The following ADAMTSL1 variants were observed in gnomAD, a reference collection of about 807,000 sequenced individuals.
ADAMTSL1 encodes ADAMTS like 1, also known as ADAMTS-like protein 1.
In ADAMTSL1, 126 loss-of-function variants were observed where a neutral mutation model predicts 201.8. That is an observed-to-expected ratio of 0.62 (90% CI 0.54 to 0.72). The LOEUF (loss-of-function observed/expected upper bound fraction) is 0.72, where lower values mean the gene tolerates loss of function less well. ADAMTSL1 is among the 30% of genes least tolerant of loss of function. The probability of loss-of-function intolerance (pLI) is 0.00; values close to 1 mark genes in which losing one functional copy is unlikely to be tolerated. For synonymous variants in ADAMTSL1, 1,121 were observed against 903.4 expected (o/e 1.24, Z -4.32); for missense variants, 2,679 against 2,277.8 (o/e 1.18, Z -3.59).
At chr9:18,543,735 T>G (rs1295665916) in intron 3 of ADAMTSL1, among the ~76,000 whole-genome samples, 2 of 152,192 alleles carry the variant, frequency 1.3e-5, no homozygotes, top group African/African-American at 4.8e-5. Context: ...GATTCCTTCA[T>G]TTGATGGATC....
chr9:18,377,529 A>G (rs1414551776), intron 2 of ADAMTSL1, among the ~76,000 whole-genome samples: 1 of 152,148 alleles, frequency 6.6e-6, no homozygotes, highest in Admixed American at 6.5e-5. Context: ...TTTGTGCAAC[A>G]GGACTACATT....
rs1827300769 is a variant in ADAMTSL1 at position 18,639,348 on chromosome 9, G to A, written c.771G>A (p.Gln257=). The change falls in exon 7 of 29, where the codon CAG becomes CAA. Residue 257 remains glutamine, a synonymous_variant. Transcript: ENST00000380548. ...FLVDNSSVDF[Q]KFPDKEILRM... The stretch of plus-strand genomic sequence containing the variant: ...TGGACAATTCTAGTGTGGACTTCCA[G>A]AAATTTCCAGACAAAGAGATACTGA... 1.9e-6 allele frequency: 3 copies of A among 1,612,936 alleles called. No homozygotes were observed.
intron 1 of ADAMTSL1, among the ~76,000 whole-genome samples, chr9:17,926,899 A>C (rs72695923): frequency 0.045 from 6,788 of 152,284 alleles, 229 homozygotes; most frequent in Non-Finnish European, 0.061. Flanking sequence ...AACTTATGGT[A>C]GAATATATAT....
intron 4 of ADAMTSL1, among the ~76,000 whole-genome samples, chr9:18,603,798 G>A (rs1446279543): frequency 6.6e-6 from 1 of 151,976 alleles, no homozygotes; most frequent in Non-Finnish European, 1.5e-5. Context: ...CCATCTCCAG[G>A]ACTTTTTCAT....
chr9:18,779,215 T>A (rs1821240775), intron 19 of ADAMTSL1, among the ~76,000 whole-genome samples: 1 of 152,236 alleles, frequency 6.6e-6, no homozygotes, highest in Non-Finnish European at 1.5e-5. Flanking sequence ...GTTTATTTGA[T>A]TCCAAGGAAG....
intron 13 of ADAMTSL1, among the ~76,000 whole-genome samples, chr9:18,692,580 G>C (rs1312714900): frequency 1.3e-5 from 2 of 152,058 alleles, no homozygotes. Flanking sequence ...AGTCCATTAA[G>C]GTCATTTTTA....
intron 15 of ADAMTSL1, among the ~76,000 whole-genome samples, chr9:18,742,078 A>T (rs1470196779): frequency 6.6e-6 from 1 of 152,180 alleles, no homozygotes; most frequent in South Asian, 2.1e-4. Context: ...CATGGTGTCA[A>T]ATTTCCCCTT....
At chr9:18,887,683 G>C in intron 23 of ADAMTSL1, 148 bp from the exon 24 acceptor site, 1 of 672,104 alleles carries the variant, frequency 1.5e-6, no homozygotes, top group East Asian at 2.7e-5. Flanking sequence ...TCTCCTGTTT[G>C]CTCAGGAATG....
chr9:18,525,590 AT>A (rs1360358845), intron 2 of ADAMTSL1, among the ~76,000 whole-genome samples: 1 of 151,904 alleles, frequency 6.6e-6, no homozygotes, highest in Non-Finnish European at 1.5e-5. Flanking sequence ...AGTGCTGCAA[AT>A]TTTTCCTGTA....
At chr9:18,262,725 A>G (rs1423438492) in intron 2 of ADAMTSL1, among the ~76,000 whole-genome samples, 2 of 152,242 alleles carry the variant, frequency 1.3e-5, no homozygotes, top group African/African-American at 4.8e-5. Context: ...GACCAAGGGA[A>G]TTCCAGAAAA....
At chr9:18,401,200 C>T (rs754320098) in intron 2 of ADAMTSL1, among the ~76,000 whole-genome samples, 6 of 152,202 alleles carry the variant, frequency 3.9e-5, no homozygotes, top group East Asian at 3.8e-4. Flanking sequence ...GGCCTTGGAA[C>T]GCATGCCCTT....
intron 2 of ADAMTSL1, among the ~76,000 whole-genome samples, chr9:18,461,653 C>A (rs1197510113): frequency 6.6e-6 from 1 of 152,080 alleles, no homozygotes; most frequent in African/African-American, 2.4e-5. Flanking sequence ...AGTTACAAGG[C>A]AGTATCTTGC....
intron 23 of ADAMTSL1, among the ~76,000 whole-genome samples, chr9:18,884,188 T>G (rs1828710352): frequency 6.6e-6 from 1 of 152,238 alleles, no homozygotes; most frequent in African/African-American, 2.4e-5. Context: ...TTTTCATGTG[T>G]TTATTGGCCA....
intron 1 of ADAMTSL1, among the ~76,000 whole-genome samples, chr9:18,031,691 C>T (rs141089042): frequency 0.012 from 1,840 of 152,288 alleles, 41 homozygotes; most frequent in African/African-American, 0.041. Flanking sequence ...CTTTTCCAAT[C>T]GTTGGCATTG....
intron 2 of ADAMTSL1, among the ~76,000 whole-genome samples, chr9:18,306,694 T>G (rs1009832762): frequency 2.0e-5 from 3 of 152,018 alleles, no homozygotes; most frequent in African/African-American, 7.2e-5. Flanking sequence ...TGGGACTATG[T>G]GAAAAGACCA....
chr9:17,997,900 C>G (rs7867406), intron 1 of ADAMTSL1, among the ~76,000 whole-genome samples: 8,124 of 152,144 alleles, frequency 0.053, 265 homozygotes, highest in African/African-American at 0.085. Flanking sequence ...TTCACTTACT[C>G]TCTTCTGCTG....
intron 2 of ADAMTSL1, among the ~76,000 whole-genome samples, chr9:18,174,585 A>C (rs1178380187): frequency 6.6e-6 from 1 of 152,200 alleles, no homozygotes; most frequent in African/African-American, 2.4e-5. Context: ...AGAATTTTAA[A>C]ATTTTCTAAT....
At chr9:18,533,705 A>G (rs1220977640) in intron 3 of ADAMTSL1, among the ~76,000 whole-genome samples, 1 of 152,226 alleles carries the variant, frequency 6.6e-6, no homozygotes. Context: ...TGTGTGAGGC[A>G]CTACACCAGT....
At position 18,056,089 on chromosome 9, in the gene ADAMTSL1, G is replaced by C. The variant is rs76392336; in HGVS notation, c.88-107773G>C. Among the ~76,000 whole-genome samples, 1,287 of 152,002 alleles carry C rather than the reference G, an allele frequency of 8.5e-3. 7 individuals carry two copies. Among genetic ancestry groups the C allele is most frequent in the Middle Eastern group, 0.038 (11 of 292 alleles). ...CTCTTTTGCTCCCTTTATTCTATAAGGGGAAAGAGGCCTTAGGAACTGTTA... is the reference window on the plus strand; with the variant it reads ...CTCTTTTGCTCCCTTTATTCTATAACGGGAAAGAGGCCTTAGGAACTGTTA... On this transcript the variant is annotated intron_variant, in intron 1 of 29. Transcript: ENST00000680146.
Sources: allele counts gnomAD v4.1 joint callset (sites outside exome capture counted in the v4.1 genomes callset), GRCh38; gene constraint gnomAD v4.1.1; transcripts MANE v1.5; gene names NCBI Gene and HGNC (gene_info 2026-07-23, HGNC 2026-07-21).